UBIAD1: variants seen among roughly 807,000 people sequenced by gnomAD.
The protein encoded by UBIAD1 is ubiA prenyltransferase domain-containing protein 1.
UBIAD1 carries 12 observed loss-of-function variants against 20.1 expected under a neutral mutation model. The ratio of observed to expected loss-of-function variants is 0.60; its 90% confidence interval spans 0.38 to 0.97. The LOEUF (loss-of-function observed/expected upper bound fraction) is 0.97, where lower values mean the gene tolerates loss of function less well. Ranked by LOEUF, UBIAD1 falls within the 50% of genes least tolerant of loss-of-function variation. The pLI is 0.00. For synonymous variants in UBIAD1, 207 were observed against 189.2 expected (o/e 1.09, Z -0.77); for missense variants, 333 against 419.5 (o/e 0.79, Z 1.80).
At chr1:11,296,426 G>T (rs1638449060), downstream of UBIAD1, among the ~76,000 whole-genome samples, 1 of 152,194 alleles carries the variant, frequency 6.6e-6, no homozygotes, top group South Asian at 2.1e-4. Flanking sequence ...GATTTGCCCT[G>T]TAGGGTAATT....
intron 1 of UBIAD1, among the ~76,000 whole-genome samples, chr1:11,276,663 C>CAA (rs765905706): frequency 1.4e-4 from 10 of 71,770 alleles, no homozygotes; most frequent in Admixed American, 1.7e-4. Context: ...GGCTCCATCT[C>CAA]AAAAAAAAAA....
chr1:11,290,498 C>A (rs1436515343), downstream of UBIAD1, among the ~76,000 whole-genome samples: 1 of 152,222 alleles, frequency 6.6e-6, no homozygotes, highest in Non-Finnish European at 1.5e-5. Flanking sequence ...TACCACTCTA[C>A]CTATGATAAT....
At chr1:11,278,021 G>A (rs934373059) in intron 1 of UBIAD1, among the ~76,000 whole-genome samples, 1 of 152,114 alleles carries the variant, frequency 6.6e-6, no homozygotes, top group Non-Finnish European at 1.5e-5. Context: ...GCAGTGGTGC[G>A]ATCTCAGCTC....
At position 11,273,373 on chromosome 1, in the gene UBIAD1, C is replaced by A; in HGVS notation, c.-159C>A. ...TTGGCCTCGTGGGGTGTAAGACCCA[C>A]TTGCTGTTGCCCCCGGACCTTGCCG... On this transcript the variant is annotated 5_prime_UTR_variant, in exon 1 of 2. Coordinates refer to ENST00000376810, the MANE Select transcript of UBIAD1 (RefSeq NM_013319.3). The surrounding 1 kb of genome is among the most constrained non-coding windows in gnomAD (Gnocchi z 4.9). 1.2e-6 allele frequency: 1 copy of A among 844,408 alleles called. No homozygotes were observed. Among genetic ancestry groups the A allele is most frequent in the South Asian group, 1.6e-5 (1 of 63,080 alleles). The allele number at this position is 844,408 out of a possible 1,614,324, so 52.3% of individuals were successfully genotyped here. A position where few individuals can be genotyped will look rare whatever the true frequency, so the allele number is the denominator to read the frequency against.
downstream of UBIAD1, among the ~76,000 whole-genome samples, chr1:11,293,199 T>C (rs1416506587): frequency 6.6e-6 from 1 of 152,070 alleles, no homozygotes; most frequent in Non-Finnish European, 1.5e-5. Flanking sequence ...GCTTCTATGA[T>C]GTTAAGGGAT....
In UBIAD1 at chr1:11,273,720, A is replaced by C; in HGVS notation, c.189A>C (p.Thr63=). Residue 63 remains threonine (T), a synonymous_variant, in exon 1 of 2, where the codon ACA becomes ACC. Transcript: ENST00000376810. This position sits in a 1 kb window ranked among gnomAD's most constrained non-coding sequence, Gnocchi z 4.9. ...LRPWSFSASL[T]PVALGSALAY... ...CCTGGAGCTTCAGTGCCTCACTCAC[A>C]CCGGTGGCCCTGGGCAGTGCCCTTG... 6.2e-7 allele frequency: 1 copy of C among 1,613,466 alleles called. No homozygotes were observed. Among genetic ancestry groups the C allele is most frequent in the Non-Finnish European group, 8.5e-7 (1 of 1,179,940 alleles).
At position 11,280,994 on chromosome 1, in the gene UBIAD1, C is replaced by T. The variant is rs185340471; in HGVS notation, c.530-4650C>T. On this transcript the variant is annotated intron_variant, in intron 1 of 1. Coordinates refer to ENST00000376810, the MANE Select transcript of UBIAD1 (RefSeq NM_013319.3). The stretch of plus-strand genomic sequence containing the variant: ...ACATTCTTTGCCCACCTTTTGCCCT[C>T]CCCCCAGTTCTCTGACCCACCCTCC... Among the ~76,000 whole-genome samples the T allele has an allele frequency of 9.9e-5, 15 of 151,944 alleles. No individual in the cohort carries two copies. The East Asian group carries it at 2.9e-3, about 29-fold the overall frequency.
intron 1 of UBIAD1, among the ~76,000 whole-genome samples, chr1:11,282,529 G>A (rs1371012999): frequency 1.3e-5 from 2 of 150,870 alleles, no homozygotes; most frequent in African/African-American, 2.4e-5. Context: ...GGTGGGGACA[G>A]AGATCTCTGC....
In UBIAD1 at chr1:11,285,525, C is replaced by A; in HGVS notation, c.530-119C>A. ...GGTTAAGGGATGAAATGAGTGCCCA[C>A]CTGCACAGTCTAAGGATTTACCATT... is the stretch of plus-strand genomic sequence containing the variant. On this transcript the variant is annotated intron_variant, in intron 1 of 1. Coordinates refer to ENST00000376810, the MANE Select transcript of UBIAD1 (RefSeq NM_013319.3). This position sits in a 1 kb window ranked among gnomAD's most constrained non-coding sequence, Gnocchi z 4.4. 2 of 1,489,186 alleles carry A rather than the reference C, an allele frequency of 1.3e-6. No individual in the cohort carries two copies. The highest frequency in any genetic ancestry group is 1.8e-5 in the Admixed American group (1 of 55,704). 92.2% of individuals were successfully genotyped at this position (1,489,186 alleles called of 1,614,324 possible).
chr1:11,273,716 T>G lies in UBIAD1; in HGVS notation c.185T>G (p.Leu62Arg). ...AGGCCCTGGAGCTTCAGTGCCTCAC[T>G]CACACCGGTGGCCCTGGGCAGTGCC... Reference protein sequence around the residue: ...ALRPWSFSASLTPVALGSALA... With the variant: ...ALRPWSFSASRTPVALGSALA... The change falls in exon 1 of 2, where the codon CTC becomes CGC. Residue 62 changes from leucine to arginine, a missense_variant. Transcript: ENST00000376810. The surrounding 1 kb of genome is among the most constrained non-coding windows in gnomAD (Gnocchi z 4.9). The G allele has an allele frequency of 6.2e-7, 1 of 1,614,112 alleles. No homozygotes were observed. Among genetic ancestry groups the G allele is most frequent in the Non-Finnish European group, 8.5e-7 (1 of 1,180,016 alleles).
At chr1:11,298,034 C>T (rs541307460), downstream of UBIAD1, among the ~76,000 whole-genome samples, 102 of 151,982 alleles carry the variant, frequency 6.7e-4, no homozygotes, top group African/African-American at 2.3e-3. The surrounding 1 kb of genome is among the most constrained non-coding windows in gnomAD (Gnocchi z 4.0). Flanking sequence ...GATCTCGGCT[C>T]ACTGCCACCT....
At position 11,273,796 on chromosome 1, in the gene UBIAD1, G is replaced by A; in HGVS notation, c.265G>A (p.Val89Met). The A allele has an allele frequency of 3.1e-6, 5 of 1,614,090 alleles. No individual in the cohort carries two copies. Among genetic ancestry groups the A allele is most frequent in the Non-Finnish European group, 4.2e-6 (5 of 1,180,024 alleles). Residue 89 changes from valine (V) to methionine (M), a missense_variant, in exon 1 of 2, where the codon GTG becomes ATG. By Grantham distance (21) the Val-to-Met change is conservative. Transcript: ENST00000376810. The surrounding 1 kb of genome is among the most constrained non-coding windows in gnomAD (Gnocchi z 4.9). ...TCCCAGGCTCTTGGTGGGTTGTGCC[G>A]TGGCTGTCCTGGCTGTGCACGGGGC... ...LDPRLLVGCA[V>M]AVLAVHGAGN... is the part of the protein sequence containing the mutation.
intron 1 of UBIAD1, among the ~76,000 whole-genome samples, chr1:11,280,625 GTTCTT>G (rs1000722528): frequency 7.9e-5 from 12 of 152,242 alleles, no homozygotes; most frequent in African/African-American, 2.9e-4. Flanking sequence ...CTTCATCCTA[GTTCTT>G]CAGGCCAAAA....
chr1:11,286,096 A>G lies in UBIAD1; in HGVS notation c.982A>G (p.Ile328Val). The G allele has an allele frequency of 6.2e-7, 1 of 1,614,186 alleles. No homozygotes were observed. The highest frequency in any genetic ancestry group is 8.5e-7 in the Non-Finnish European group (1 of 1,180,042). ...GGGACTTTTCTATGTCTTTGGCATC[A>G]TTCTGGCACCAGCAGGCAGTCTGCC... ...LLGLFYVFGI[I>V]LAPAGSLPKI is the part of the protein sequence containing the mutation. Residue 328 changes from isoleucine (I) to valine (V), a missense_variant, in exon 2 of 2, where the codon ATT becomes GTT. By Grantham distance (29) the Ile-to-Val change is conservative (BLOSUM62 3). Coordinates refer to ENST00000376810, the MANE Select transcript of UBIAD1 (RefSeq NM_013319.3).
At chr1:11,294,036 A>G (rs1279478314) in intron 1 of UBIAD1, among the ~76,000 whole-genome samples, 1 of 152,240 alleles carries the variant, frequency 6.6e-6, no homozygotes, top group African/African-American at 2.4e-5. Flanking sequence ...AGAAGTCTCT[A>G]AATAAATAAA....
rs1651884834 is a variant in UBIAD1, at chr1:11,273,855, C to CAA, written c.325_326dup (p.Gly110ArgfsTer47). Reference sequence around the variant, plus strand: ...TGGTCAACACTTACTATGACTTTTCCAAGGGCATTGACCACAAAAAGAGTG... The same window carrying CAA: ...TGGTCAACACTTACTATGACTTTTCCAAAAGGGCATTGACCACAAAAAGAGTG... On this transcript the variant is annotated frameshift_variant, in exon 1 of 2. Coordinates refer to ENST00000376810, the MANE Select transcript of UBIAD1 (RefSeq NM_013319.3). LOFTEE classifies it high-confidence loss of function. The surrounding 1 kb of genome is among the most constrained non-coding windows in gnomAD (Gnocchi z 4.9). 6.2e-7 allele frequency: 1 copy of CAA among 1,614,086 alleles called. No homozygotes were observed. Among genetic ancestry groups the CAA allele is most frequent in the African/African-American group, 1.3e-5 (1 of 74,924 alleles).
chr1:11,273,416 T>TG lies in UBIAD1; in HGVS notation c.-112dup. The TG allele has an allele frequency of 2.9e-6, 4 of 1,361,994 alleles. No individual in the cohort carries two copies. Among genetic ancestry groups the TG allele is most frequent in the Non-Finnish European group, 4.1e-6 (4 of 977,508 alleles). The allele number at this position is 1,361,994 out of a possible 1,614,324, so 84.4% of individuals were successfully genotyped here. A position where few individuals can be genotyped will look rare whatever the true frequency, so the allele number is the denominator to read the frequency against. ...CCTTGCCGCCACACCAGCCCTGTCC[T>TG]GGGGCGGAACCGAAGGAAGGTCGGG... On this transcript the variant is annotated 5_prime_UTR_variant, in exon 1 of 2. Transcript: ENST00000376810. This position sits in a 1 kb window ranked among gnomAD's most constrained non-coding sequence, Gnocchi z 4.9.
Position 11,273,379 on chromosome 1 carries a change from G to C in UBIAD1, c.-153G>C. ...TCGTGGGGTGTAAGACCCACTTGCT[G>C]TTGCCCCCGGACCTTGCCGCCACAC... On this transcript the variant is annotated 5_prime_UTR_variant, in exon 1 of 2. Coordinates refer to ENST00000376810, the MANE Select transcript of UBIAD1 (RefSeq NM_013319.3). The surrounding 1 kb of genome is among the most constrained non-coding windows in gnomAD (Gnocchi z 4.9). The C allele has an allele frequency of 2.2e-6, 2 of 909,252 alleles. No homozygotes were observed. The highest frequency in any genetic ancestry group is 3.4e-6 in the Non-Finnish European group (2 of 594,866). The allele number at this position is 909,252 out of a possible 1,614,324, so 56.3% of individuals were successfully genotyped here.
rs1331506656 is a variant in UBIAD1, at chr1:11,273,385, C to T, written c.-147C>T. On this transcript the variant is annotated 5_prime_UTR_variant, in exon 1 of 2. Coordinates refer to ENST00000376810, the MANE Select transcript of UBIAD1 (RefSeq NM_013319.3). The surrounding 1 kb of genome is among the most constrained non-coding windows in gnomAD (Gnocchi z 4.9). ...GGTGTAAGACCCACTTGCTGTTGCC[C>T]CCGGACCTTGCCGCCACACCAGCCC... is the stretch of plus-strand genomic sequence containing the variant. 7 of 1,000,686 alleles carry T rather than the reference C, an allele frequency of 7.0e-6. No individual in the cohort carries two copies. 62.0% of individuals were successfully genotyped at this position (1,000,686 alleles called of 1,614,324 possible).
Sources: allele counts gnomAD v4.1 joint callset (sites outside exome capture counted in the v4.1 genomes callset), GRCh38; gene constraint gnomAD v4.1.1; non-coding constraint Gnocchi (gnomAD v3.1); transcripts MANE v1.5; gene names NCBI Gene and HGNC (gene_info 2026-07-23, HGNC 2026-07-21).